Variants in AGPAT4 observed in about 807,000 individuals in gnomAD.
AGPAT4 encodes the protein 1-acylglycerol-3-phosphate O-acyltransferase 4, also known as 1-acyl-sn-glycerol-3-phosphate acyltransferase delta.
Under a neutral mutation model 48.0 loss-of-function variants are expected in AGPAT4, and 15 were observed. The observed-to-expected ratio is 0.31, with a 90% confidence interval of 0.21 to 0.48. The LOEUF (loss-of-function observed/expected upper bound fraction) is 0.48, where lower values mean the gene tolerates loss of function less well. AGPAT4 is among the 20% of genes least tolerant of loss of function. The probability of loss-of-function intolerance (pLI) is 0.99; values close to 1 mark genes in which losing one functional copy is unlikely to be tolerated. For missense variants in AGPAT4, 314 were observed against 482.5 expected (o/e 0.65, Z 3.27); for synonymous variants, 178 against 198.7 (o/e 0.90, Z 0.88).
intron 1 of AGPAT4, among the ~76,000 whole-genome samples, chr6:161,258,359 C>T (rs552581789): frequency 6.6e-6 from 1 of 152,182 alleles, no homozygotes; most frequent in Non-Finnish European, 1.5e-5. Context: ...GCAGATTCTC[C>T]AAATACCTGA....
chr6:161,194,444 T>TGTTTG (rs1781005909), intron 2 of AGPAT4, among the ~76,000 whole-genome samples: 1 of 148,730 alleles, frequency 6.7e-6, no homozygotes, highest in Non-Finnish European at 1.5e-5. Flanking sequence ...GTGTGTGTGT[T>TGTTTG]TGTGTGTGTG....
At position 161,233,453 on chromosome 6, in the gene AGPAT4, C is replaced by A. The variant is rs979372390; in HGVS notation, c.-89-1151G>T. Among the ~76,000 whole-genome samples the A allele has an allele frequency of 2.0e-5, 3 of 152,150 alleles. No homozygotes were observed. The South Asian group carries it at 6.2e-4, about 32-fold the overall frequency. On this transcript the variant is annotated intron_variant, in intron 1 of 8. Transcript: ENST00000320285. This position sits in a 1 kb window ranked among gnomAD's most constrained non-coding sequence, Gnocchi z 5.4. ...TAGTTGAGAGGCCCTAAAATTGTTA[C>A]AATCTTTTTTAATAATGAACAATCT...
rs1473778782 is a variant in AGPAT4, at chr6:161,245,066, AT to A, written c.-89-12765del. Among the ~76,000 whole-genome samples, 32 of 152,364 alleles carry A rather than the reference AT, an allele frequency of 2.1e-4. No homozygotes were observed. The highest frequency in any genetic ancestry group is 2.1e-3 in the Admixed American group (32 of 15,302). ...CAAGCCGTGCACCAACTGGCAACTT[AT>A]TTTGCAGTGGCCTATGCCAACCAGG... On this transcript the variant is annotated intron_variant, in intron 1 of 8. Transcript: ENST00000320285. This position sits in a 1 kb window ranked among gnomAD's most constrained non-coding sequence, Gnocchi z 5.2.
At chr6:161,265,475 CGCTGGACTGGGTGCTGATTAGTACCCACT>C (rs1783228964) in intron 1 of AGPAT4, among the ~76,000 whole-genome samples, 3 of 147,486 alleles carry the variant, frequency 2.0e-5, no homozygotes, top group Admixed American at 6.7e-5. Context: ...TAGTACCCAC[CGCTGGACTGGGTGCTGATTAGTACCCACT>C]GCTGGACTGG....
Position 161,238,140 on chromosome 6 carries a change from G to C in AGPAT4, c.-89-5838C>G, listed in dbSNP as rs923709444. On this transcript the variant is annotated intron_variant, in intron 1 of 8. Transcript: ENST00000320285. This position sits in a 1 kb window ranked among gnomAD's most constrained non-coding sequence, Gnocchi z 5.2. ...GTTGTTGGAGCTTCCGCTGTGGAGA[G>C]GGCACTGAGAGTCAGGCAGTCTGGC... 1.3e-5 allele frequency among the ~76,000 whole-genome samples: 2 copies of C among 152,116 alleles called. No individual in the cohort carries two copies. Among genetic ancestry groups the C allele is most frequent in the African/African-American group, 2.4e-5 (1 of 41,410 alleles).
chr6:161,183,208 G>T (rs551101736), intron 2 of AGPAT4, among the ~76,000 whole-genome samples: 4 of 152,106 alleles, frequency 2.6e-5, no homozygotes. Context: ...TATCCACCAC[G>T]TGCTGATGTG....
rs1377480308 is a variant in AGPAT4 at position 161,135,075 on chromosome 6, TA to T, written c.*1464del. 1.4e-5 allele frequency: 2 copies of T among 140,012 alleles called. No homozygotes were observed. Among genetic ancestry groups the T allele is most frequent in the Admixed American group, 7.5e-5 (1 of 13,294 alleles). 8.7% of individuals were successfully genotyped at this position (140,012 alleles called of 1,614,324 possible). A position where few individuals can be genotyped will look rare whatever the true frequency, so the allele number is the denominator to read the frequency against. On this transcript the variant is annotated 3_prime_UTR_variant, in exon 9 of 9. Coordinates refer to ENST00000320285, the MANE Select transcript of AGPAT4 (RefSeq NM_020133.3). ...AGAGCTGTCTTGTAACTCCTTGGCT[TA>T]CCTAGTTTGGTTGATAAACAATGAC...
intron 1 of AGPAT4, among the ~76,000 whole-genome samples, chr6:161,257,510 C>T (rs1318065310): frequency 3.3e-5 from 5 of 152,076 alleles, no homozygotes; most frequent in South Asian, 2.1e-4. Flanking sequence ...GGTTACACAA[C>T]GCCAAATTTA....
rs145717746 is a variant in AGPAT4 at position 161,228,994 on chromosome 6, G to A, written c.178+3042C>T. On this transcript the variant is annotated intron_variant, in intron 2 of 8. Coordinates refer to ENST00000320285, the MANE Select transcript of AGPAT4 (RefSeq NM_020133.3). ...AATTCTCTGCTCAGTGTCTCGGTGT[G>A]TCCTGCTGTTAGCCAAGCTGTCTTT... Among the ~76,000 whole-genome samples, 49 of 151,322 alleles carry A rather than the reference G, an allele frequency of 3.2e-4. 1 individual carries two copies. The East Asian group carries it at 9.4e-3, about 29-fold the overall frequency.
chr6:161,269,454 C>T (rs1783361361), intron 1 of AGPAT4, among the ~76,000 whole-genome samples: 1 of 152,200 alleles, frequency 6.6e-6, no homozygotes, highest in Admixed American at 6.5e-5. Flanking sequence ...TATCCTGTTT[C>T]ATTGGCCAAT....
rs1023180498 is a variant in AGPAT4 at position 161,197,351 on chromosome 6, T to C, written c.179-30934A>G. 6.6e-6 allele frequency among the ~76,000 whole-genome samples: 1 copy of C among 152,200 alleles called. No individual in the cohort carries two copies. The highest frequency in any genetic ancestry group is 1.5e-5 in the Non-Finnish European group (1 of 68,034). ...AAATACTGCTCTAAGTGATTCTTGA[T>C]GGAGTAAGTACACCTGCTTATGTTT... On this transcript the variant is annotated intron_variant, in intron 2 of 8. Coordinates refer to ENST00000320285, the MANE Select transcript of AGPAT4 (RefSeq NM_020133.3). This position sits in a 1 kb window ranked among gnomAD's most constrained non-coding sequence, Gnocchi z 5.7.
Position 161,137,578 on chromosome 6 carries a change from G to A in AGPAT4, c.1043-944C>T, listed in dbSNP as rs1342229543. ...ATGGAGCGTAACAGTAACAGTGAGA[G>A]TGGAGTTATTGTAGAGCAGAAAGAA... On this transcript the variant is annotated intron_variant, in intron 8 of 8. Transcript: ENST00000320285. The surrounding 1 kb of genome is among the most constrained non-coding windows in gnomAD (Gnocchi z 6.1). Among the ~76,000 whole-genome samples the A allele has an allele frequency of 2.0e-5, 3 of 152,372 alleles. No homozygotes were observed. Among genetic ancestry groups the A allele is most frequent in the Admixed American group, 6.5e-5 (1 of 15,308 alleles).
At chr6:161,160,559 CCT>C (rs149016342) in intron 3 of AGPAT4, 91 of 180,658 alleles carry the variant, frequency 5.0e-4, no homozygotes, top group African/African-American at 2.0e-3. Flanking sequence ...AGCCAACTTC[CCT>C]CTGTTTACCA....
In AGPAT4 at chr6:161,165,530, GC is replaced by G; in HGVS notation, c.348+717del. The G allele has an allele frequency of 8.4e-7, 1 of 1,185,730 alleles. No individual in the cohort carries two copies. The highest frequency in any genetic ancestry group is 1.6e-5 in the African/African-American group (1 of 62,232). The allele number at this position is 1,185,730 out of a possible 1,614,324, so 73.5% of individuals were successfully genotyped here. A position where few individuals can be genotyped will look rare whatever the true frequency, so the allele number is the denominator to read the frequency against. On this transcript the variant is annotated intron_variant, in intron 3 of 8. Coordinates refer to ENST00000320285, the MANE Select transcript of AGPAT4 (RefSeq NM_020133.3). The surrounding 1 kb of genome is among the most constrained non-coding windows in gnomAD (Gnocchi z 5.5). ...GTGCAAACTCTTAGGACCTTTCCTA[GC>G]CCCAGACCAATGTACACTGTGTACA...
intron 2 of AGPAT4, among the ~76,000 whole-genome samples, chr6:161,194,752 TG>T (rs1781026950): frequency 1.3e-5 from 2 of 152,330 alleles, no homozygotes; most frequent in South Asian, 4.1e-4. Flanking sequence ...TGCATGTCCT[TG>T]CATGTGTCCT....
chr6:161,271,154 T>A (rs1260404411), intron 1 of AGPAT4, among the ~76,000 whole-genome samples: 2 of 152,164 alleles, frequency 1.3e-5, no homozygotes, highest in Non-Finnish European at 2.9e-5. Context: ...CAGCACAGAG[T>A]ATACCTGCTC....
At chr6:161,203,641 G>A (rs558439978) in intron 2 of AGPAT4, among the ~76,000 whole-genome samples, 22 of 151,984 alleles carry the variant, frequency 1.4e-4, no homozygotes, top group South Asian at 4.2e-4. Context: ...CAAGTAATCC[G>A]CCCACCTCAA....
Position 161,166,472 on chromosome 6 carries a change from C to T in AGPAT4, c.179-55G>A. On this transcript the variant is annotated intron_variant, in intron 2 of 8. Coordinates refer to ENST00000320285, the MANE Select transcript of AGPAT4 (RefSeq NM_020133.3). This position sits in a 1 kb window ranked among gnomAD's most constrained non-coding sequence, Gnocchi z 6.7. Reference sequence around the variant, plus strand: ...ACTACATGCAGCCTTGTCCTGGGAGCCCTGCTGAGAGCAGGGCTCTGCCCT... The same window carrying T: ...ACTACATGCAGCCTTGTCCTGGGAGTCCTGCTGAGAGCAGGGCTCTGCCCT... 2 of 1,533,012 alleles carry T rather than the reference C, an allele frequency of 1.3e-6. No homozygotes were observed. Among genetic ancestry groups the T allele is most frequent in the South Asian group, 1.3e-5 (1 of 77,090 alleles). The allele number at this position is 1,533,012 out of a possible 1,614,324, so 95.0% of individuals were successfully genotyped here.
At position 161,178,507 on chromosome 6, in the gene AGPAT4, C is replaced by A. The variant is rs780228300; in HGVS notation, c.179-12090G>T. ...AGCGCAGTATTAGGGTGGGAGTGAA[C>A]CAATTTTCCAGGTGCCGTCTGTCAC... On this transcript the variant is annotated intron_variant, in intron 2 of 8. Coordinates refer to ENST00000320285, the MANE Select transcript of AGPAT4 (RefSeq NM_020133.3). The surrounding 1 kb of genome is among the most constrained non-coding windows in gnomAD (Gnocchi z 5.1). 1.4e-4 allele frequency among the ~76,000 whole-genome samples: 21 copies of A among 152,182 alleles called. No homozygotes were observed. The highest frequency in any genetic ancestry group is 2.6e-4 in the Non-Finnish European group (18 of 68,026).
Sources: gnomAD v4.1 joint callset for allele counts (sites outside exome capture counted in the v4.1 genomes callset) on GRCh38, gnomAD v4.1.1 for gene constraint, Gnocchi (gnomAD v3.1) non-coding constraint, MANE v1.5 for transcripts, NCBI Gene and HGNC (gene_info 2026-07-23, HGNC 2026-07-21) for gene names.